CUL4A: variants seen among roughly 807,000 people sequenced by gnomAD.
CUL4A encodes cullin-4A.
In CUL4A, 16 loss-of-function variants were observed where a neutral mutation model predicts 95.5. The ratio of observed to expected loss-of-function variants is 0.17; its 90% CI spans 0.11 to 0.25. CUL4A has a LOEUF of 0.25. CUL4A is among the 10% of genes least tolerant of loss of function. The pLI is 1.00. For missense variants in CUL4A, 610 were observed against 937.0 expected (o/e 0.65, Z 4.56); for synonymous variants, 380 against 353.1 (o/e 1.08, Z -0.85).
At chr13:113,232,096 GTCACCA>G (rs2041348661) in intron 5 of CUL4A, among the ~76,000 whole-genome samples, 1 of 144,616 alleles carries the variant, frequency 6.9e-6, no homozygotes, top group African/African-American at 2.8e-5. Flanking sequence ...CACCATTACT[GTCACCA>G]CTACCCGCCC....
upstream of CUL4A, chr13:113,208,444 G>A: frequency 1.3e-6 from 2 of 1,517,862 alleles, no homozygotes; most frequent in South Asian, 2.4e-5. Flanking sequence ...CCCGGCCGCC[G>A]CTGTTCGGCT....
intron 2 of CUL4A, among the ~76,000 whole-genome samples, chr13:113,211,221 T>G (rs1485782986): frequency 6.6e-6 from 1 of 152,274 alleles, no homozygotes; most frequent in South Asian, 2.1e-4. Context: ...TGCAGTCATG[T>G]ATTTCATAGT....
At chr13:113,223,227 A>T (rs1157693421) in intron 3 of CUL4A, among the ~76,000 whole-genome samples, 1 of 152,082 alleles carries the variant, frequency 6.6e-6, no homozygotes, top group African/African-American at 2.4e-5. Flanking sequence ...GCTGGAAGAG[A>T]GTTCTGACCC....
At chr13:113,228,190 A>T in intron 4 of CUL4A, 145 bp downstream of exon 4, 1 of 655,462 alleles carries the variant, frequency 1.5e-6, no homozygotes, top group Non-Finnish European at 2.7e-6. Flanking sequence ...AAAAGCAGGG[A>T]AGGTGAACTC....
chr13:113,254,988 G>A lies in CUL4A; in HGVS notation c.1894G>A (p.Ala632Thr). 6.2e-7 allele frequency: 1 copy of A among 1,614,002 alleles called. No homozygotes were observed. Among genetic ancestry groups the A allele is most frequent in the Non-Finnish European group, 8.5e-7 (1 of 1,179,956 alleles). The stretch of plus-strand genomic sequence containing the variant: ...ATTGCGCAGAACGCTGCAGTCCCTG[G>A]CCTGTGGCAAAGCACGTGTGCTGAT... ...SELRRTLQSL[A>T]CGKARVLIKS... is the part of the protein sequence containing the mutation. Residue 632 changes from alanine to threonine, a missense_variant, in exon 18 of 20, where the codon GCC becomes ACC. This residue lies in a region of CUL4A where 72 missense variants were observed against 93.2 expected (regional missense o/e 0.77). Transcript: ENST00000375440.
intron 3 of CUL4A, among the ~76,000 whole-genome samples, chr13:113,222,566 G>A (rs1382987972): frequency 6.6e-6 from 1 of 152,164 alleles, no homozygotes; most frequent in African/African-American, 2.4e-5. Flanking sequence ...AGGTAGAGAT[G>A]CCTGTTGTGC....
At chr13:113,239,347 G>C (rs201622635) in intron 9 of CUL4A, 86 bp from the exon 10 acceptor site, 1 of 1,154,016 alleles carries the variant, frequency 8.7e-7, no homozygotes. Flanking sequence ...GTGTATTGAC[G>C]TTCTTCTGGT....
At chr13:113,228,781 G>C (rs1045729272) in intron 4 of CUL4A, among the ~76,000 whole-genome samples, 1 of 151,998 alleles carries the variant, frequency 6.6e-6, no homozygotes, top group Non-Finnish European at 1.5e-5. Context: ...TAAAAGCTAA[G>C]TGCATCTCCC....
At chr13:113,212,556 G>A (rs560447633) in intron 2 of CUL4A, among the ~76,000 whole-genome samples, 35 of 152,270 alleles carry the variant, frequency 2.3e-4, no homozygotes, top group African/African-American at 7.9e-4. Context: ...GCCAAGGTGG[G>A]TAGATCGCCT....
chr13:113,208,769 G>T, upstream of CUL4A: 1 of 1,436,422 alleles, frequency 7.0e-7, no homozygotes, highest in South Asian at 1.4e-5. Context: ...TCCGGAGGGA[G>T]AACCTGGGGA....
intron 2 of CUL4A, 113 bp downstream of exon 2, chr13:113,210,201 G>A: frequency 3.0e-6 from 2 of 656,836 alleles, no homozygotes; most frequent in Admixed American, 8.6e-5. Flanking sequence ...GAAAGGCAGG[G>A]CGTTTGCCTC....
intron 3 of CUL4A, among the ~76,000 whole-genome samples, chr13:113,224,180 G>A (rs932901359): frequency 6.6e-5 from 10 of 152,142 alleles, no homozygotes; most frequent in Admixed American, 4.6e-4. Flanking sequence ...GTGAAACCCC[G>A]TCTCTACTGA....
At chr13:113,250,843 G>A (rs189305876) in intron 15 of CUL4A, among the ~76,000 whole-genome samples, 10 of 152,072 alleles carry the variant, frequency 6.6e-5, no homozygotes, top group East Asian at 3.9e-4. Context: ...CGATGATATC[G>A]TGCCTGGGAT....
chr13:113,212,912 T>C (rs1650057163), intron 2 of CUL4A, among the ~76,000 whole-genome samples: 1 of 152,176 alleles, frequency 6.6e-6, no homozygotes, highest in Non-Finnish European at 1.5e-5. Flanking sequence ...GAGGAGTGAG[T>C]TGTGAAATCA....
intron 9 of CUL4A, among the ~76,000 whole-genome samples, chr13:113,238,099 C>T (rs1405479974): frequency 6.6e-6 from 1 of 152,030 alleles, no homozygotes; most frequent in Non-Finnish European, 1.5e-5. Flanking sequence ...AAAACAAATG[C>T]ATTCAGAATT....
chr13:113,230,520 A>G (rs918563906), intron 5 of CUL4A, among the ~76,000 whole-genome samples: 3 of 152,186 alleles, frequency 2.0e-5, no homozygotes, highest in Non-Finnish European at 4.4e-5. Flanking sequence ...CGAGAAGGCA[A>G]ACGCTGCACA....
chr13:113,221,155 C>T (rs9549697), intron 3 of CUL4A, among the ~76,000 whole-genome samples: 159 of 152,278 alleles, frequency 1.0e-3, no homozygotes, highest in Non-Finnish European at 2.0e-3. Context: ...CCCCGAGCAG[C>T]GGGCACAACT....
intron 19 of CUL4A, 98 bp downstream of exon 19, chr13:113,260,857 T>A: frequency 1.1e-6 from 1 of 934,222 alleles, no homozygotes; most frequent in Non-Finnish European, 1.6e-6. Context: ...TGACCTGCAT[T>A]ATTCATGGTG....
intron 2 of CUL4A, among the ~76,000 whole-genome samples, chr13:113,216,563 G>C (rs750264347): frequency 1.1e-4 from 16 of 152,164 alleles, no homozygotes; most frequent in Non-Finnish European, 2.2e-4. Context: ...TCCGATCATT[G>C]GATTACATTC....
Sources: gnomAD v4.1 joint callset for allele counts (sites outside exome capture counted in the v4.1 genomes callset) on GRCh38, gnomAD v4.1.1 for gene constraint, gnomAD v4.1.1 regional missense constraint, MANE v1.5 for transcripts, NCBI Gene and HGNC (gene_info 2026-07-23, HGNC 2026-07-21) for gene names.